Variants in MSH3 observed in about 807,000 individuals in gnomAD.
MSH3 encodes the protein DNA mismatch repair protein Msh3.
A neutral mutation model predicts 123.3 loss-of-function variants in MSH3; 106 were observed. The observed-to-expected ratio is 0.86, with a 90% confidence interval of 0.73 to 1.01. The LOEUF is 1.01. Among genes scored for constraint, MSH3 ranks in the 50% least tolerant of loss-of-function variants. The pLI, the probability that MSH3 is intolerant of heterozygous loss-of-function variation, is 0.00. For missense variants in MSH3, 1,459 were observed against 1,347.6 expected (o/e 1.08, Z -1.29); for synonymous variants, 515 against 481.4 (o/e 1.07, Z -0.91).
At chr5:80,730,568 C>A (rs1743392208) in intron 10 of MSH3, among the ~76,000 whole-genome samples, 1 of 151,984 alleles carries the variant, frequency 6.6e-6, no homozygotes, top group Admixed American at 6.5e-5. Flanking sequence ...CGGCATTATA[C>A]CCTCATTGGA....
chr5:80,715,684 G>A (rs836796), intron 8 of MSH3, among the ~76,000 whole-genome samples: 109,689 of 151,956 alleles, frequency 0.72, 39,777 homozygotes, highest in African/African-American at 0.81. Flanking sequence ...GAAACTTACA[G>A]TCGTGGCAGA....
intron 8 of MSH3, among the ~76,000 whole-genome samples, chr5:80,700,008 T>C (rs909560691): frequency 9.8e-5 from 15 of 152,366 alleles, no homozygotes; most frequent in African/African-American, 3.6e-4. Context: ...AATATAAAGT[T>C]GACTACTTTG....
intron 20 of MSH3, among the ~76,000 whole-genome samples, chr5:80,821,017 C>T (rs32987): frequency 0.87 from 131,774 of 152,212 alleles, 57,128 homozygotes; most frequent in East Asian, 1. Context: ...ACCTGCTTCT[C>T]TCTCTGCAAG....
intron 20 of MSH3, among the ~76,000 whole-genome samples, chr5:80,841,129 C>T (rs1051479078): frequency 6.6e-6 from 1 of 151,594 alleles, no homozygotes; most frequent in Admixed American, 6.6e-5. Flanking sequence ...TTGTTCAGTT[C>T]CCACCTATGA....
chr5:80,867,279 T>C (rs1746119895), intron 22 of MSH3, among the ~76,000 whole-genome samples: 1 of 152,230 alleles, frequency 6.6e-6, no homozygotes, highest in Admixed American at 6.5e-5. Context: ...CCTGGCCAGC[T>C]TTATTATCAG....
At chr5:80,678,200 G>A (rs1390665649) in intron 7 of MSH3, among the ~76,000 whole-genome samples, 1 of 152,182 alleles carries the variant, frequency 6.6e-6, no homozygotes, top group Non-Finnish European at 1.5e-5. Context: ...GGATTGGGGA[G>A]TAGTCAGATT....
chr5:80,808,528 G>A (rs1003306926), intron 19 of MSH3, among the ~76,000 whole-genome samples: 12 of 152,016 alleles, frequency 7.9e-5, no homozygotes, highest in South Asian at 2.1e-4. Context: ...GGATGGTGTC[G>A]GGAAGAAACC....
intron 8 of MSH3, among the ~76,000 whole-genome samples, chr5:80,679,823 C>T (rs183040265): frequency 5.1e-4 from 77 of 152,290 alleles, no homozygotes; most frequent in African/African-American, 1.8e-3. Flanking sequence ...GGAAAGACTC[C>T]GTACTGCCAC....
chr5:80,796,304 T>C (rs1216667690), intron 19 of MSH3, among the ~76,000 whole-genome samples: 1 of 152,146 alleles, frequency 6.6e-6, no homozygotes, highest in Non-Finnish European at 1.5e-5. Flanking sequence ...ATTACAATAA[T>C]GTTTTAAAGA....
chr5:80,764,380 TTC>T (rs1744088973), intron 13 of MSH3, among the ~76,000 whole-genome samples: 1 of 145,984 alleles, frequency 6.9e-6, no homozygotes, highest in Admixed American at 7.1e-5. Context: ...TTTCTTCTTC[TTC>T]TTTTTTTTTT....
rs138450570 is a variant in MSH3 at position 80,804,366 on chromosome 5, A to T, written c.2656-9218A>T. On this transcript the variant is annotated intron_variant, in intron 19 of 23. Transcript: ENST00000265081. ...CCCAGTGAGCATTGAAGAATTAGGTATTTATTGTAGCCTTCACAGTCTAGC... is the reference window on the plus strand; with the variant it reads ...CCCAGTGAGCATTGAAGAATTAGGTTTTTATTGTAGCCTTCACAGTCTAGC... 3.2e-3 allele frequency among the ~76,000 whole-genome samples: 491 copies of T among 152,278 alleles called. 2 individuals carry two copies. Among genetic ancestry groups the T allele is most frequent in the Admixed American group, 5.4e-3 (82 of 15,298 alleles).
At chr5:80,804,384 A>T (rs1284168689) in intron 19 of MSH3, among the ~76,000 whole-genome samples, 1 of 152,226 alleles carries the variant, frequency 6.6e-6, no homozygotes, top group East Asian at 1.9e-4. Context: ...TAGCCTTCAC[A>T]GTCTAGCTTG....
intron 11 of MSH3, 21 bp from the exon 12 acceptor site, chr5:80,744,485 T>C (rs1391391079): frequency 1.3e-6 from 2 of 1,560,898 alleles, no homozygotes; most frequent in East Asian, 4.5e-5. Flanking sequence ...TTAATAAAAC[T>C]TGTTTTCTGG....
chr5:80,766,527 T>C (rs1363122218), intron 13 of MSH3, among the ~76,000 whole-genome samples: 3 of 151,932 alleles, frequency 2.0e-5, no homozygotes. Flanking sequence ...GTATTTTTAG[T>C]AGAGATGGGG....
At chr5:80,826,885 G>A (rs1266298392) in intron 20 of MSH3, among the ~76,000 whole-genome samples, 4 of 152,080 alleles carry the variant, frequency 2.6e-5, no homozygotes, top group African/African-American at 9.7e-5. Context: ...AACCTCACAT[G>A]AATCTTTTCC....
chr5:80,809,983 G>T (rs371642990), intron 19 of MSH3, among the ~76,000 whole-genome samples: 3 of 151,880 alleles, frequency 2.0e-5, no homozygotes, highest in South Asian at 2.1e-4. Context: ...CACAAATGTC[G>T]TAGAGATTGA....
At chr5:80,798,525 C>T (rs1744737807) in intron 19 of MSH3, among the ~76,000 whole-genome samples, 1 of 152,174 alleles carries the variant, frequency 6.6e-6, no homozygotes, top group East Asian at 1.9e-4. Context: ...AGTAATAATA[C>T]ATACCATAAA....
intron 21 of MSH3, among the ~76,000 whole-genome samples, chr5:80,856,685 AAAACTT>A (rs901602227): frequency 1.3e-5 from 2 of 152,176 alleles, no homozygotes; most frequent in African/African-American, 4.8e-5. Flanking sequence ...CATGTACCCT[AAAACTT>A]AAAGTATAAT....
intron 20 of MSH3, among the ~76,000 whole-genome samples, chr5:80,841,881 T>C: frequency 6.6e-6 from 1 of 152,238 alleles, no homozygotes; most frequent in Non-Finnish European, 1.5e-5. Context: ...TGACAGTTTC[T>C]TTTGCTATGC....
Sources: gnomAD v4.1 joint callset for allele counts (sites outside exome capture counted in the v4.1 genomes callset) on GRCh38, gnomAD v4.1.1 for gene constraint, MANE v1.5 for transcripts, NCBI Gene and HGNC (gene_info 2026-07-23, HGNC 2026-07-21) for gene names.